ZPBP: variants seen among roughly 807,000 people sequenced by gnomAD.
ZPBP encodes the protein zona pellucida-binding protein 1.
ZPBP carries 26 observed loss-of-function variants against 44.8 expected under a neutral mutation model. The ratio of observed to expected loss-of-function variants is 0.58; its 90% CI spans 0.43 to 0.81. ZPBP has a LOEUF of 0.81. Among genes scored for constraint, ZPBP ranks in the 30% least tolerant of loss-of-function variants. The pLI is 0.00. For synonymous variants in ZPBP, 174 were observed against 153.2 expected, an observed-to-expected ratio of 1.14 and a Z score of -1.00; for missense variants, 409 against 434.0, an observed-to-expected ratio of 0.94 and a Z score of 0.51.
chr7:50,012,794 G>A (rs1798646700), intron 6 of ZPBP, among the ~76,000 whole-genome samples: 1 of 150,192 alleles, frequency 6.7e-6, no homozygotes, highest in African/African-American at 2.5e-5. Context: ...CAGGTATTCA[G>A]AGAAAACAGA....
At chr7:50,039,042 G>T (rs140351841) in intron 4 of ZPBP, among the ~76,000 whole-genome samples, 1 of 152,228 alleles carries the variant, frequency 6.6e-6, no homozygotes, top group East Asian at 1.9e-4. Flanking sequence ...ACAAAAATTT[G>T]TAAAACACGT....
chr7:49,886,011 G>T (rs765481373), intron 2 of ZPBP, among the ~76,000 whole-genome samples: 10 of 152,216 alleles, frequency 6.6e-5, no homozygotes, highest in Admixed American at 6.5e-4. Context: ...TTTTGAAATC[G>T]CTGTTGGACA....
At chr7:50,054,111 G>A (rs1341593866) in intron 4 of ZPBP, among the ~76,000 whole-genome samples, 4 of 151,898 alleles carry the variant, frequency 2.6e-5, no homozygotes, top group African/African-American at 7.3e-5. Flanking sequence ...GGCTGGCGTC[G>A]AACTCCTGGC....
At chr7:49,970,466 C>CTTTTTT (rs771955717) in intron 7 of ZPBP, among the ~76,000 whole-genome samples, 11 of 85,212 alleles carry the variant, frequency 1.3e-4, no homozygotes, top group African/African-American at 1.9e-4. Flanking sequence ...GCTGAATATA[C>CTTTTTT]TTTTTTTTTT....
intron 7 of ZPBP, among the ~76,000 whole-genome samples, chr7:49,938,385 T>G (rs1251320953): frequency 6.6e-6 from 1 of 152,198 alleles, no homozygotes; most frequent in Non-Finnish European, 1.5e-5. Flanking sequence ...AATGATGACA[T>G]CTACTACTGC....
At chr7:49,998,041 C>G (rs1308191616) in intron 6 of ZPBP, among the ~76,000 whole-genome samples, 2 of 152,144 alleles carry the variant, frequency 1.3e-5, no homozygotes, top group African/African-American at 4.8e-5. Flanking sequence ...CCTCAGCCTC[C>G]CAAGCAGCTG....
At chr7:49,875,548 G>C (rs1430313321) in intron 2 of ZPBP, among the ~76,000 whole-genome samples, 1 of 151,940 alleles carries the variant, frequency 6.6e-6, no homozygotes, top group African/African-American at 2.4e-5. Context: ...GAGTCCTTTT[G>C]CATGATTGAT....
At chr7:50,081,556 C>T (rs1201908754) in intron 3 of ZPBP, among the ~76,000 whole-genome samples, 1 of 151,450 alleles carries the variant, frequency 6.6e-6, no homozygotes, top group African/African-American at 2.4e-5. Flanking sequence ...CTTTGAGAAC[C>T]CCCCAAACAG....
At chr7:50,079,815 T>C (rs1321532641) in intron 3 of ZPBP, among the ~76,000 whole-genome samples, 1 of 151,722 alleles carries the variant, frequency 6.6e-6, no homozygotes, top group African/African-American at 2.4e-5. Flanking sequence ...TTTGTGTGAA[T>C]ATTTAGAAAA....
intron 3 of ZPBP, among the ~76,000 whole-genome samples, chr7:50,066,865 T>A (rs988898757): frequency 6.6e-6 from 1 of 152,130 alleles, no homozygotes; most frequent in African/African-American, 2.4e-5. Flanking sequence ...GGTTTCACTG[T>A]AGGACTATTC....
intron 7 of ZPBP, among the ~76,000 whole-genome samples, chr7:49,981,638 A>T (rs1369339267): frequency 1.1e-5 from 1 of 90,308 alleles, no homozygotes; most frequent in Non-Finnish European, 1.9e-5. Context: ...TATATTATAT[A>T]TTATATAATA....
chr7:49,983,453 A>G lies in ZPBP; in HGVS notation c.850T>C (p.Leu284=). 1 of 1,611,684 alleles carries G rather than the reference A, an allele frequency of 6.2e-7. No homozygotes were observed. The highest frequency in any genetic ancestry group is 8.5e-7 in the Non-Finnish European group (1 of 1,178,314). Residue 284 remains leucine, a synonymous_variant, in exon 7 of 8, where the codon TTA becomes CTA. Coordinates refer to ENST00000046087, the MANE Select transcript of ZPBP (RefSeq NM_007009.3). ...CCTTCAATATAGTATATTTGAGGTAATTGTTCTGCACGTCTGCCAAGAATT... is the reference window on the plus strand; with the variant it reads ...CCTTCAATATAGTATATTTGAGGTAGTTGTTCTGCACGTCTGCCAAGAATT... ...VEILGRRAEQ[L]PQIYYIEGTL... is the part of the protein sequence containing the mutation.
At chr7:50,083,000 C>T (rs903730572) in intron 2 of ZPBP, among the ~76,000 whole-genome samples, 5 of 151,870 alleles carry the variant, frequency 3.3e-5, no homozygotes, top group South Asian at 2.1e-4. Flanking sequence ...TCTGCCCTAA[C>T]CACGCCACAG....
chr7:50,079,679 A>C (rs1007947795), intron 3 of ZPBP, among the ~76,000 whole-genome samples: 1 of 151,730 alleles, frequency 6.6e-6, no homozygotes, highest in Non-Finnish European at 1.5e-5. Context: ...GTATACTTGA[A>C]ATTTTATGAG....
intron 3 of ZPBP, among the ~76,000 whole-genome samples, chr7:50,065,587 G>T (rs1218358992): frequency 1.3e-5 from 2 of 150,764 alleles, no homozygotes; most frequent in Non-Finnish European, 3.0e-5. Context: ...CACTGACTGG[G>T]TTAGGTGAAG....
intron 2 of ZPBP, among the ~76,000 whole-genome samples, chr7:49,854,887 T>TTTTAG (rs1319504420): frequency 6.6e-6 from 1 of 152,208 alleles, no homozygotes; most frequent in Non-Finnish European, 1.5e-5. Flanking sequence ...AGATTAGAAC[T>TTTTAG]ATGAAGCTCA....
chr7:50,011,457 A>C (rs1469566776), intron 6 of ZPBP, among the ~76,000 whole-genome samples: 1 of 152,198 alleles, frequency 6.6e-6, no homozygotes, highest in Non-Finnish European at 1.5e-5. Context: ...TAAAATATTT[A>C]CTATGTGGTC....
At chr7:50,033,248 C>T (rs1183871558) in intron 4 of ZPBP, among the ~76,000 whole-genome samples, 1 of 152,028 alleles carries the variant, frequency 6.6e-6, no homozygotes, top group Non-Finnish European at 1.5e-5. Flanking sequence ...TAGTTATTTG[C>T]ATAACATTAA....
intron 2 of ZPBP, among the ~76,000 whole-genome samples, chr7:49,874,184 A>C (rs1344601354): frequency 1.3e-5 from 2 of 151,672 alleles, no homozygotes; most frequent in Non-Finnish European, 2.9e-5. Flanking sequence ...ACACACCCAC[A>C]CACACACACA....
Sources: allele counts gnomAD v4.1 joint callset (sites outside exome capture counted in the v4.1 genomes callset), GRCh38; gene constraint gnomAD v4.1.1; transcripts MANE v1.5; gene names NCBI Gene and HGNC (gene_info 2026-07-23, HGNC 2026-07-21).